The following SPTA1 variants were observed in gnomAD, a reference collection of about 807,000 sequenced individuals.
SPTA1 encodes the protein spectrin alpha, erythrocytic 1.
SPTA1 carries 177 observed loss-of-function variants against 324.7 expected under a neutral mutation model. The observed-to-expected ratio is 0.55, with a 90% confidence interval of 0.48 to 0.62. The LOEUF is 0.62. Among genes scored for constraint, SPTA1 ranks in the 20% least tolerant of loss-of-function variants. SPTA1 has a pLI of 0.00. For synonymous variants in SPTA1, 1,195 were observed against 1,041.3 expected (o/e 1.15, Z -2.84); for missense variants, 3,162 against 2,883.6 (o/e 1.10, Z -2.21).
At position 158,621,384 on chromosome 1, in the gene SPTA1, C is replaced by T. The variant is rs139282668; in HGVS notation, c.6121-918G>A. On this transcript the variant is annotated intron_variant, in intron 43 of 51. Coordinates refer to ENST00000643759, the MANE Select transcript of SPTA1 (RefSeq NM_003126.4). ...AGGGAGGATTTCAAAGGTATTAAACCGTTACATCTGACCCTGTACTCATTT... is the reference window on the plus strand; with the variant it reads ...AGGGAGGATTTCAAAGGTATTAAACTGTTACATCTGACCCTGTACTCATTT... Among the ~76,000 whole-genome samples, 747 of 152,162 alleles carry T rather than the reference C, an allele frequency of 4.9e-3. 5 individuals are homozygous for T. The highest frequency in any genetic ancestry group is 7.5e-3 in the Non-Finnish European group (513 of 68,000).
At chr1:158,619,801 C>T (rs999016750) in intron 44 of SPTA1, among the ~76,000 whole-genome samples, 1 of 152,048 alleles carries the variant, frequency 6.6e-6, no homozygotes, top group East Asian at 1.9e-4. Context: ...ACATACGTAG[C>T]AAGGCACTTT....
rs749091377 is a variant in SPTA1, at chr1:158,611,262, T to G, written c.*2A>C. ...TTTCTACGATCCACGAGGAGCTGCT[T>G]ATTAGTTGCCAAAGTAGGAATTGGT... On this transcript the variant is annotated 3_prime_UTR_variant, in exon 52 of 52. Coordinates refer to ENST00000643759, the MANE Select transcript of SPTA1 (RefSeq NM_003126.4). 6.2e-7 allele frequency: 1 copy of G among 1,613,468 alleles called. No homozygotes were observed. The highest frequency in any genetic ancestry group is 1.1e-5 in the South Asian group (1 of 91,064).
At chr1:158,644,994 C>T (rs963085377) in intron 29 of SPTA1, among the ~76,000 whole-genome samples, 194 bp downstream of exon 29, 1 of 152,084 alleles carries the variant, frequency 6.6e-6, no homozygotes, top group East Asian at 1.9e-4. Flanking sequence ...TTTGGCTCTT[C>T]TAACAAGAAA....
chr1:158,674,797 C>T, intron 8 of SPTA1, 122 bp from the exon 9 acceptor site: 1 of 1,341,378 alleles, frequency 7.5e-7, no homozygotes, highest in Non-Finnish European at 1.1e-6. Context: ...ATCCTAGGTT[C>T]CCTTTTTCCT....
In SPTA1 at chr1:158,618,054, G is replaced by A. The variant is rs115466520; in HGVS notation, c.6533C>T (p.Ala2178Val). ...TFLQWILETR[A>V]YFLDGSLLKE... ...AAATACTGACCCATCCAGAAAGTAA[G>A]CCCTGGACATGGAGGTCCGGAACAG... Residue 2178 changes from alanine to valine, a missense_variant and splice_region_variant, in exon 46 of 52, where the codon GCT (alanine) becomes GTT (valine). Physicochemically the swap from Ala to Val is moderately conservative, Grantham distance 64 (BLOSUM62 0). Transcript: ENST00000643759. 2.6e-4 allele frequency: 422 copies of A among 1,611,652 alleles called. 2 individuals carry two copies. In the African/African-American group the frequency reaches 5.1e-3, roughly 19 times the overall value.
chr1:158,627,854 CT>C, intron 39 of SPTA1, 131 bp from the exon 40 acceptor site: 1 of 818,046 alleles, frequency 1.2e-6, no homozygotes, highest in Non-Finnish European at 2.0e-6. Context: ...TGAATGCCCA[CT>C]TTTTCTGGAA....
chr1:158,664,964 T>G (rs184514016), intron 16 of SPTA1, among the ~76,000 whole-genome samples: 1 of 152,348 alleles, frequency 6.6e-6, no homozygotes, highest in East Asian at 1.9e-4. Context: ...TTTCTTAAAC[T>G]ATATAATGAA....
At chr1:158,624,186 G>A (rs1390990047) in intron 42 of SPTA1, among the ~76,000 whole-genome samples, 1 of 152,216 alleles carries the variant, frequency 6.6e-6, no homozygotes, top group Non-Finnish European at 1.5e-5. Flanking sequence ...AGCACAGAAG[G>A]GAAATGTGGG....
At chr1:158,639,183 G>A (rs1359230170) in intron 35 of SPTA1, 1 of 210,712 alleles carries the variant, frequency 4.7e-6, no homozygotes, top group Admixed American at 5.3e-5. Flanking sequence ...AGGATTTCCA[G>A]AGTGTTTGTG....
chr1:158,648,927 C>T (rs1652209255), intron 25 of SPTA1, among the ~76,000 whole-genome samples: 1 of 152,178 alleles, frequency 6.6e-6, no homozygotes, highest in African/African-American at 2.4e-5. Context: ...GATTATACCA[C>T]TGCTGAATGG....
Position 158,676,244 on chromosome 1 carries a change from C to A in SPTA1, c.1009G>T (p.Asp337Tyr). ...TTCATCTCCTGGATCTGAGGTGCAT[C>A]TGAAGGATGGGAAAGTGTCAGCTTC... ...AEKLTLSHPS[D>Y]APQIQEMKED... Residue 337 changes from aspartate to tyrosine, a missense_variant, in exon 8 of 52, where the codon GAT becomes TAT. Transcript: ENST00000643759. 2 of 1,613,750 alleles carry A rather than the reference C, an allele frequency of 1.2e-6. No homozygotes were observed. The highest frequency in any genetic ancestry group is 1.7e-6 in the Non-Finnish European group (2 of 1,179,782).
chr1:158,669,614 G>A (rs1414460850), intron 13 of SPTA1, 51 bp from the exon 14 acceptor site: 1 of 1,614,074 alleles, frequency 6.2e-7, no homozygotes, highest in South Asian at 1.1e-5. Flanking sequence ...ATATGGACAT[G>A]TGAGATTCGC....
chr1:158,618,016 T>G (rs1047971853), intron 46 of SPTA1, 23 bp downstream of exon 46: 14 of 1,606,736 alleles, frequency 8.7e-6, no homozygotes, highest in Middle Eastern at 3.3e-4. Flanking sequence ...AAAGCAAACA[T>G]GATGATAACA....
intron 22 of SPTA1, among the ~76,000 whole-genome samples, chr1:158,652,944 T>G (rs1242822876): frequency 6.6e-6 from 1 of 152,166 alleles, no homozygotes; most frequent in East Asian, 1.9e-4. Context: ...ACATGGTAAC[T>G]GACAATTGGA....
At chr1:158,640,603 A>G (rs1651482202) in intron 33 of SPTA1, among the ~76,000 whole-genome samples, 1 of 152,128 alleles carries the variant, frequency 6.6e-6, no homozygotes, top group Non-Finnish European at 1.5e-5. Context: ...CTAGGAATCC[A>G]CCTTACAAGG....
chr1:158,678,539 T>C lies in SPTA1; in HGVS notation c.679-5A>G. 6.2e-7 allele frequency: 1 copy of C among 1,613,188 alleles called. No individual in the cohort carries two copies. The highest frequency in any genetic ancestry group is 8.5e-7 in the Non-Finnish European group (1 of 1,179,498). ...GGGTAGGTCAGGATGGTTTTCCTGT[T>C]GAAGGAAAACAACACTGGAGTTATA... On this transcript the variant is annotated splice_polypyrimidine_tract_variant and splice_region_variant and intron_variant, in intron 5 of 51. Coordinates refer to ENST00000643759, the MANE Select transcript of SPTA1 (RefSeq NM_003126.4).
chr1:158,670,836 A>G (rs974737560), intron 12 of SPTA1, among the ~76,000 whole-genome samples: 9 of 152,212 alleles, frequency 5.9e-5, no homozygotes, highest in African/African-American at 2.2e-4. Flanking sequence ...TCTAGATGTT[A>G]CCAAGGAAGA....
At chr1:158,633,522 G>A (rs1010479952) in intron 39 of SPTA1, among the ~76,000 whole-genome samples, 5 of 151,748 alleles carry the variant, frequency 3.3e-5, no homozygotes, top group Admixed American at 6.6e-5. Context: ...TTAGCCTGGC[G>A]TGGTGGCAGC....
At chr1:158,656,414 C>T (rs983172074) in intron 20 of SPTA1, 150 bp downstream of exon 20, 1 of 731,734 alleles carries the variant, frequency 1.4e-6, no homozygotes, top group East Asian at 2.5e-5. Context: ...ATTGTGGATG[C>T]TACAGTTCCT....
Sources: gnomAD v4.1 joint callset for allele counts (sites outside exome capture counted in the v4.1 genomes callset) on GRCh38, gnomAD v4.1.1 for gene constraint, MANE v1.5 for transcripts, NCBI Gene and HGNC (gene_info 2026-07-23, HGNC 2026-07-21) for gene names.